The following FDX1 variants were observed in gnomAD, a reference collection of about 807,000 sequenced individuals.
FDX1 encodes adrenodoxin, mitochondrial.
Under a neutral mutation model 14.9 loss-of-function variants are expected in FDX1, and 9 were observed. That is an observed-to-expected ratio of 0.60 (90% CI 0.36 to 1.05). FDX1 has a LOEUF of 1.05. Among genes scored for constraint, FDX1 ranks in the 50% least tolerant of loss-of-function variants. The pLI is 0.01. For missense variants in FDX1, 204 were observed against 237.2 expected (o/e 0.86, Z 0.92); for synonymous variants, 92 against 99.4 (o/e 0.93, Z 0.44).
chr11:110,444,743 TAC>T lies in FDX1; in HGVS notation c.310+8788_310+8789del, dbSNP rs201769966. Among the ~76,000 whole-genome samples the T allele has an allele frequency of 7.2e-3, 322 of 44,634 alleles. 27 individuals are homozygous for T. Among genetic ancestry groups the T allele is most frequent in the East Asian group, 0.015 (12 of 826 alleles). 29.3% of individuals were successfully genotyped at this position (44,634 alleles called of 152,430 possible). A position where few individuals can be genotyped will look rare whatever the true frequency, so the allele number is the denominator to read the frequency against. Reference sequence around the variant, plus strand: ...ATATACGTATATATATATATATATATACACGTATATATATATATATATATTTG... The same window carrying T: ...ATATACGTATATATATATATATATATACGTATATATATATATATATATTTG... On this transcript the variant is annotated intron_variant, in intron 2 of 3. Coordinates refer to ENST00000260270, the MANE Select transcript of FDX1 (RefSeq NM_004109.5).
intron 3 of FDX1, 90 bp downstream of exon 3, chr11:110,457,137 G>C: frequency 8.9e-7 from 1 of 1,126,092 alleles, no homozygotes; most frequent in Non-Finnish European, 1.3e-6. Context: ...ACCCATAAAT[G>C]TAATAGTGTT....
chr11:110,453,637 C>T (rs912662772), intron 2 of FDX1, among the ~76,000 whole-genome samples: 4 of 151,280 alleles, frequency 2.6e-5, no homozygotes, highest in African/African-American at 9.7e-5. Context: ...TTTAATAAAC[C>T]GTATAGGTTA....
chr11:110,434,731 T>G (rs1484234972), intron 1 of FDX1, among the ~76,000 whole-genome samples: 11 of 131,712 alleles, frequency 8.4e-5, no homozygotes, highest in East Asian at 4.1e-4. Flanking sequence ...TTTTGTTTTT[T>G]TTTTTTTTTT....
Position 110,463,898 on chromosome 11 carries a change from GTTTTTTTT to G in FDX1, c.*1441_*1448del, listed in dbSNP as rs112136244. On this transcript the variant is annotated 3_prime_UTR_variant, in exon 4 of 4. Transcript: ENST00000260270. ...TTTGATGCTTAATAACTATTGAGTA[GTTTTTTTT>G]TTTTTTTTTTGGTGGGGGGAGCGGG... The G allele has an allele frequency of 7.8e-6, 1 of 128,546 alleles. No homozygotes were observed. Among genetic ancestry groups the G allele is most frequent in the African/African-American group, 2.9e-5 (1 of 34,592 alleles). The allele number at this position is 128,546 out of a possible 1,614,324, so 8.0% of individuals were successfully genotyped here. A position where few individuals can be genotyped will look rare whatever the true frequency, so the allele number is the denominator to read the frequency against.
intron 2 of FDX1, among the ~76,000 whole-genome samples, chr11:110,444,679 T>C (rs1423626613): frequency 1.4e-5 from 1 of 69,736 alleles, no homozygotes; most frequent in Non-Finnish European, 2.6e-5. Flanking sequence ...TATATATATA[T>C]ATATACACGT....
chr11:110,439,641 T>G (rs960322526), intron 2 of FDX1, among the ~76,000 whole-genome samples: 2 of 152,248 alleles, frequency 1.3e-5, no homozygotes, highest in Admixed American at 6.5e-5. Flanking sequence ...GGGTGTTTAC[T>G]TTGTTGATAG....
chr11:110,447,978 G>T (rs1331872871), intron 2 of FDX1, among the ~76,000 whole-genome samples: 1 of 152,136 alleles, frequency 6.6e-6, no homozygotes, highest in Admixed American at 6.5e-5. Flanking sequence ...GTGAACACAT[G>T]AATAAAAAGG....
rs1449164909 is a variant in FDX1, at chr11:110,464,666, C to T, written c.*2198C>T. 1 of 152,088 alleles carries T rather than the reference C, an allele frequency of 6.6e-6. No individual in the cohort carries two copies. Among genetic ancestry groups the T allele is most frequent in the Non-Finnish European group, 1.5e-5 (1 of 68,024 alleles). 9.4% of individuals were successfully genotyped at this position (152,088 alleles called of 1,614,324 possible). A position where few individuals can be genotyped will look rare whatever the true frequency, so the allele number is the denominator to read the frequency against. Reference sequence around the variant, plus strand: ...CTATAATTTTAAAGTACTTCAAAGCCAATTTATTCTCTTAATTAGCTTCAT... The same window carrying T: ...CTATAATTTTAAAGTACTTCAAAGCTAATTTATTCTCTTAATTAGCTTCAT... On this transcript the variant is annotated 3_prime_UTR_variant, in exon 4 of 4. Coordinates refer to ENST00000260270, the MANE Select transcript of FDX1 (RefSeq NM_004109.5).
chr11:110,441,428 C>T (rs2099896), intron 2 of FDX1, among the ~76,000 whole-genome samples: 77,237 of 152,026 alleles, frequency 0.51, 20,658 homozygotes, highest in African/African-American at 0.67. Flanking sequence ...ATGCTGATAA[C>T]GATATGGACA....
chr11:110,439,402 G>T (rs1946391531), intron 2 of FDX1, among the ~76,000 whole-genome samples: 1 of 150,412 alleles, frequency 6.6e-6, no homozygotes, highest in African/African-American at 2.5e-5. Context: ...TAGAGATGGG[G>T]TTTCCCATGT....
chr11:110,444,706 G>GTA (rs1196710627), intron 2 of FDX1, among the ~76,000 whole-genome samples: 669 of 30,832 alleles, frequency 0.022, 39 homozygotes, highest in African/African-American at 0.025. Flanking sequence ...ATATATATAC[G>GTA]TATATATATA....
intron 2 of FDX1, among the ~76,000 whole-genome samples, chr11:110,447,521 AAG>A (rs1946459627): frequency 6.6e-6 from 1 of 152,118 alleles, no homozygotes; most frequent in Non-Finnish European, 1.5e-5. Flanking sequence ...CCAGCCGTAA[AAG>A]GCTCTGCATT....
At chr11:110,451,337 A>C (rs755575285) in intron 2 of FDX1, among the ~76,000 whole-genome samples, 13 of 152,326 alleles carry the variant, frequency 8.5e-5, no homozygotes, top group Non-Finnish European at 1.8e-4. Context: ...TGCACCTTCT[A>C]ACTCTTGTAA....
chr11:110,434,207 C>G (rs1946350963), intron 1 of FDX1, among the ~76,000 whole-genome samples: 1 of 152,170 alleles, frequency 6.6e-6, no homozygotes, highest in Non-Finnish European at 1.5e-5. Flanking sequence ...TAAACTTTTT[C>G]TAGTCCCTTT....
rs1946583082 is a variant in FDX1, at chr11:110,464,834, G to T, written c.*2366G>T. ...AAAAGTTCAAATGAAGTTTAATTGTGTTATTTTATAAAACCTTCTAAAATT... is the reference window on the plus strand; with the variant it reads ...AAAAGTTCAAATGAAGTTTAATTGTTTTATTTTATAAAACCTTCTAAAATT... On this transcript the variant is annotated 3_prime_UTR_variant, in exon 4 of 4. Coordinates refer to ENST00000260270, the MANE Select transcript of FDX1 (RefSeq NM_004109.5). 1 of 152,084 alleles carries T rather than the reference G, an allele frequency of 6.6e-6. No individual in the cohort carries two copies. The highest frequency in any genetic ancestry group is 2.1e-4 in the South Asian group (1 of 4,832). 9.4% of individuals were successfully genotyped at this position (152,084 alleles called of 1,614,324 possible). A position where few individuals can be genotyped will look rare whatever the true frequency, so the allele number is the denominator to read the frequency against.
intron 2 of FDX1, among the ~76,000 whole-genome samples, chr11:110,455,208 C>A (rs190675960): frequency 5.9e-5 from 9 of 152,002 alleles, no homozygotes; most frequent in Admixed American, 2.6e-4. Flanking sequence ...GGTTTCACTA[C>A]GTTAGCCAGG....
chr11:110,455,972 A>G (rs1946519082), intron 2 of FDX1, among the ~76,000 whole-genome samples: 1 of 152,172 alleles, frequency 6.6e-6, no homozygotes, highest in Non-Finnish European at 1.5e-5. Context: ...TACAGAGCAG[A>G]TTCGTCCTGG....
At chr11:110,434,725 G>GTTTTTTTTTTTTTTTT (rs56907322) in intron 1 of FDX1, among the ~76,000 whole-genome samples, 4 of 105,740 alleles carry the variant, frequency 3.8e-5, no homozygotes, top group African/African-American at 6.8e-5. Context: ...GACTTTTTTT[G>GTTTTTTTTTTTTTTTT]TTTTTTTTTT....
intron 3 of FDX1, among the ~76,000 whole-genome samples, chr11:110,460,030 T>C (rs1382199662): frequency 6.6e-6 from 1 of 152,226 alleles, no homozygotes; most frequent in Non-Finnish European, 1.5e-5. Context: ...AAGACCAGCA[T>C]CATCTTGCTA....
Sources: gnomAD v4.1 joint callset for allele counts (sites outside exome capture counted in the v4.1 genomes callset) on GRCh38, gnomAD v4.1.1 for gene constraint, MANE v1.5 for transcripts, NCBI Gene and HGNC (gene_info 2026-07-23, HGNC 2026-07-21) for gene names.